LMNTD1: variants seen among roughly 807,000 people sequenced by gnomAD.
The protein encoded by LMNTD1 is lamin tail domain containing 1, also known as lamin tail domain-containing protein 1.
A neutral mutation model predicts 50.9 loss-of-function variants in LMNTD1; 35 were observed. The observed-to-expected ratio is 0.69, with a 90% CI of 0.53 to 0.91. LMNTD1 has a LOEUF of 0.91. Among genes scored for constraint, LMNTD1 ranks in the 40% least tolerant of loss-of-function variants. The pLI is 0.00. For synonymous variants in LMNTD1, 153 were observed against 161.9 expected (o/e 0.94, Z 0.42); for missense variants, 470 against 475.5 (o/e 0.99, Z 0.11).
intron 9 of LMNTD1, among the ~76,000 whole-genome samples, chr12:25,480,131 T>C (rs1268655412): frequency 6.6e-6 from 1 of 152,174 alleles, no homozygotes; most frequent in African/African-American, 2.4e-5. Flanking sequence ...ACAATACAAA[T>C]ACCTTCACAC....
chr12:25,571,994 G>C (rs1054835729), intron 1 of LMNTD1, among the ~76,000 whole-genome samples: 2 of 152,150 alleles, frequency 1.3e-5, no homozygotes, highest in African/African-American at 4.8e-5. Flanking sequence ...TTTCTATAAA[G>C]GTAGGAAAGG....
intron 4 of LMNTD1, among the ~76,000 whole-genome samples, chr12:25,534,227 T>G (rs12319156): frequency 1.3e-5 from 2 of 152,114 alleles, no homozygotes; most frequent in Non-Finnish European, 2.9e-5. Context: ...ACAGCTTTGA[T>G]TGAAAACAAC....
chr12:25,491,271 A>C (rs1938876198), intron 9 of LMNTD1, among the ~76,000 whole-genome samples: 1 of 152,260 alleles, frequency 6.6e-6, no homozygotes, highest in Non-Finnish European at 1.5e-5. Flanking sequence ...AGTATGAAGC[A>C]GACATTGTAT....
intron 1 of LMNTD1, among the ~76,000 whole-genome samples, chr12:25,588,749 T>C (rs544144716): frequency 1.3e-5 from 2 of 152,134 alleles, no homozygotes; most frequent in South Asian, 4.1e-4. Flanking sequence ...TGTACATAGA[T>C]GTTTTATGTA....
upstream of LMNTD1, chr12:25,553,319 T>G: frequency 3.2e-6 from 4 of 1,260,412 alleles, no homozygotes; most frequent in Non-Finnish European, 4.2e-6. Flanking sequence ...CTCTTAGAAC[T>G]ATGAGGTAAT....
intron 1 of LMNTD1, among the ~76,000 whole-genome samples, chr12:25,573,253 G>A (rs991346923): frequency 6.6e-6 from 1 of 151,632 alleles, no homozygotes; most frequent in Non-Finnish European, 1.5e-5. Flanking sequence ...CTGATTATAC[G>A]TGTCTCCTAA....
At chr12:25,526,041 T>G in intron 6 of LMNTD1, 58 bp downstream of exon 6, 1 of 1,393,170 alleles carries the variant, frequency 7.2e-7, no homozygotes, top group Non-Finnish European at 9.5e-7. Context: ...AATACAGATA[T>G]GCTCAATAAG....
intron 3 of LMNTD1, chr12:25,547,321 C>T (rs1212822161): frequency 1.2e-5 from 3 of 257,354 alleles, no homozygotes; most frequent in East Asian, 1.8e-4. Context: ...TACTAAGCCA[C>T]GTGATGTAAG....
At chr12:25,557,531 T>C (rs533643034), upstream of LMNTD1, among the ~76,000 whole-genome samples, 40 of 152,338 alleles carry the variant, frequency 2.6e-4, no homozygotes, top group Non-Finnish European at 4.9e-4. Flanking sequence ...TCTGCAAATC[T>C]TTTCTATTCA....
At chr12:25,489,408 C>T (rs559899281) in intron 9 of LMNTD1, among the ~76,000 whole-genome samples, 2 of 151,704 alleles carry the variant, frequency 1.3e-5, no homozygotes, top group African/African-American at 4.8e-5. Flanking sequence ...CGTCCGTCAC[C>T]CCTTTATTTG....
At chr12:25,533,739 C>T (rs1339519614) in intron 4 of LMNTD1, among the ~76,000 whole-genome samples, 1 of 152,076 alleles carries the variant, frequency 6.6e-6, no homozygotes, top group Non-Finnish European at 1.5e-5. Context: ...GATGGTAGAT[C>T]CTTAATGTAA....
At chr12:25,558,931 T>C (rs1335128457) in intron 1 of LMNTD1, among the ~76,000 whole-genome samples, 1 of 152,094 alleles carries the variant, frequency 6.6e-6, no homozygotes, top group South Asian at 2.1e-4. Flanking sequence ...CGTGTATTTG[T>C]ATAATTTCCA....
intron 1 of LMNTD1, among the ~76,000 whole-genome samples, chr12:25,616,417 T>TA (rs1946355293): frequency 6.6e-6 from 1 of 151,822 alleles, no homozygotes; most frequent in Non-Finnish European, 1.5e-5. Flanking sequence ...TTATGTTGAG[T>TA]AAAAAAAGCC....
At position 25,526,898 on chromosome 12, in the gene LMNTD1, G is replaced by A. The variant is rs774211919; in HGVS notation, c.549C>T (p.Leu183=). The change falls in exon 5 of 10, where the codon CTC becomes CTT. Residue 183 remains leucine, a synonymous_variant. Transcript: ENST00000458174. ...EVNVKGLFVK[L]INSSLDKEMA... is the part of the protein sequence containing the mutation. The stretch of plus-strand genomic sequence containing the variant: ...TTTCTTTGTCAAGGGAAGAGTTAAT[G>A]AGCTTCACGAACAAACCCTTGACAT... 1 of 1,612,554 alleles carries A rather than the reference G, an allele frequency of 6.2e-7. No individual in the cohort carries two copies. The highest frequency in any genetic ancestry group is 1.1e-5 in the South Asian group (1 of 90,844).
intron 4 of LMNTD1, among the ~76,000 whole-genome samples, chr12:25,536,869 C>T (rs901822290): frequency 2.6e-5 from 4 of 151,346 alleles, no homozygotes; most frequent in East Asian, 1.9e-4. Flanking sequence ...AGTGGGTGCA[C>T]GCACCGTGCG....
chr12:25,527,092 A>G (rs1190367845), intron 4 of LMNTD1, 137 bp from the exon 5 acceptor site: 6 of 523,302 alleles, frequency 1.1e-5, no homozygotes, highest in East Asian at 3.1e-5. Flanking sequence ...ATATAGGAAT[A>G]GTATATTTTG....
At chr12:25,495,249 C>CGTGTGTGTGTGT (rs1207389869) in intron 9 of LMNTD1, among the ~76,000 whole-genome samples, 5,143 of 144,700 alleles carry the variant, frequency 0.036, 145 homozygotes, top group Middle Eastern at 0.056. Context: ...AAAGTGTGTA[C>CGTGTGTGTGTGT]GTGTGTGTGT....
At chr12:25,481,899 A>G (rs1938458631) in intron 9 of LMNTD1, among the ~76,000 whole-genome samples, 1 of 150,104 alleles carries the variant, frequency 6.7e-6, no homozygotes, top group African/African-American at 2.5e-5. Context: ...ACACACACAC[A>G]CACACACATA....
At chr12:25,480,935 A>G (rs1056643786) in intron 9 of LMNTD1, among the ~76,000 whole-genome samples, 4 of 152,324 alleles carry the variant, frequency 2.6e-5, no homozygotes, top group Non-Finnish European at 5.9e-5. Flanking sequence ...CGTAAAGTCA[A>G]GAATCTTTAG....
Sources: allele counts gnomAD v4.1 joint callset (sites outside exome capture counted in the v4.1 genomes callset), GRCh38; gene constraint gnomAD v4.1.1; transcripts MANE v1.5; gene names NCBI Gene and HGNC (gene_info 2026-07-23, HGNC 2026-07-21).